The following CTDNEP1 variants were observed in gnomAD, a reference collection of about 807,000 sequenced individuals.
CTDNEP1 encodes CTD nuclear envelope phosphatase 1.
In CTDNEP1, 3 loss-of-function variants were observed where a neutral mutation model predicts 30.1. That is an observed-to-expected ratio of 0.10 (90% CI 0.05 to 0.26). The LOEUF is 0.26. Ranked by LOEUF, CTDNEP1 falls within the 10% of genes least tolerant of loss-of-function variation. CTDNEP1 has a pLI of 1.00. For synonymous variants in CTDNEP1, 123 were observed against 118.8 expected (o/e 1.04, Z -0.23); for missense variants, 158 against 310.4 (o/e 0.51, Z 3.69).
chr17:7,246,387 G>T lies in CTDNEP1; in HGVS notation c.361-17C>A. 6.4e-7 allele frequency: 1 copy of T among 1,565,302 alleles called. No homozygotes were observed. Among genetic ancestry groups the T allele is most frequent in the Admixed American group, 1.7e-5 (1 of 59,954 alleles). On this transcript the variant is annotated splice_polypyrimidine_tract_variant and intron_variant, in intron 4 of 7. Transcript: ENST00000574322. This position sits in a 1 kb window ranked among gnomAD's most constrained non-coding sequence, Gnocchi z 4.9. ...CTGGCTCACCTGAAATAGATTGGGG[G>T]AGAGGGCGATGCCATACAAGGTGAT...
Position 7,246,356 on chromosome 17 carries a change from G to A in CTDNEP1, c.375C>T (p.Tyr125=), listed in dbSNP as rs778024452. The part of the protein sequence containing the change: ...DFFLEVVSQW[Y]ELVVFTASME... Reference sequence around the variant, plus strand: ...TGCTTGCTGTAAACACCACCAGCTCGTACCACTGGCTCACCTGAAATAGAT... The same window carrying A: ...TGCTTGCTGTAAACACCACCAGCTCATACCACTGGCTCACCTGAAATAGAT... The change falls in exon 5 of 8, where the codon TAC becomes TAT. Residue 125 remains tyrosine, a synonymous_variant. Coordinates refer to ENST00000574322, the MANE Select transcript of CTDNEP1 (RefSeq NM_001143775.2). The surrounding 1 kb of genome is among the most constrained non-coding windows in gnomAD (Gnocchi z 4.9). 1.6e-5 allele frequency: 26 copies of A among 1,612,822 alleles called. No individual in the cohort carries two copies. Among genetic ancestry groups the A allele is most frequent in the South Asian group, 1.2e-4 (11 of 91,048 alleles).
upstream of CTDNEP1, chr17:7,251,877 T>A (rs894175223): frequency 6.5e-6 from 1 of 154,568 alleles, no homozygotes; most frequent in African/African-American, 2.4e-5. Context: ...GGCCTCCCCC[T>A]CCCCGAGCTC....
intron 6 of CTDNEP1, among the ~76,000 whole-genome samples, chr17:7,245,823 A>C (rs1316744123): frequency 6.6e-6 from 1 of 152,166 alleles, no homozygotes; most frequent in Admixed American, 6.5e-5. Flanking sequence ...AAATGAAAAA[A>C]ATGATATAAG....
At position 7,246,170 on chromosome 17, in the gene CTDNEP1, C is replaced by A; in HGVS notation, c.478-33G>T. On this transcript the variant is annotated intron_variant, in intron 5 of 7. Coordinates refer to ENST00000574322, the MANE Select transcript of CTDNEP1 (RefSeq NM_001143775.2). This position sits in a 1 kb window ranked among gnomAD's most constrained non-coding sequence, Gnocchi z 4.9. ...GCAGGGGATCATGTAGCAGGCCTCT[C>A]TCCAGGATACTCTCCTCAAACCCAG... 2.5e-6 allele frequency: 4 copies of A among 1,590,586 alleles called. No individual in the cohort carries two copies. The highest frequency in any genetic ancestry group is 3.5e-6 in the Non-Finnish European group (4 of 1,158,722).
At chr17:7,244,400 G>T in intron 7 of CTDNEP1, 151 bp downstream of exon 7, 1 of 1,156,784 alleles carries the variant, frequency 8.6e-7, no homozygotes. Context: ...TAGCTAAAGT[G>T]ATGAGCTTTG....
intron 6 of CTDNEP1, chr17:7,244,901 T>C (rs2071816730): frequency 2.7e-6 from 1 of 369,252 alleles, no homozygotes. Context: ...CTCACACCTG[T>C]TATCCCAACA....
At position 7,247,172 on chromosome 17, in the gene CTDNEP1, C is replaced by T. The variant is rs142495097; in HGVS notation, c.180G>A (p.Lys60=). ...CCAGATCCAGCACCAGGATCTTCCT[C>T]TTCACCTGGGCTGAACCAGAGTGGG... is the stretch of plus-strand genomic sequence containing the variant. ...PVSRNRLAQV[K]RKILVLDLDE... is the part of the protein sequence containing the mutation. The change falls in exon 3 of 8, where the codon AAG becomes AAA. Residue 60 remains lysine, a synonymous_variant. Transcript: ENST00000574322. The T allele has an allele frequency of 3.4e-5, 55 of 1,613,758 alleles. No homozygotes were observed. Among genetic ancestry groups the T allele is most frequent in the African/African-American group, 2.9e-4 (22 of 75,024 alleles).
rs2071839132 is a variant in CTDNEP1 at position 7,246,463 on chromosome 17, T to C, written c.361-93A>G. ...TTCAGAAAGGCAATGGCATAGTCCT[T>C]CAGGCCTTCCATCAACATCAAATGT... On this transcript the variant is annotated intron_variant, in intron 4 of 7. Transcript: ENST00000574322. This position sits in a 1 kb window ranked among gnomAD's most constrained non-coding sequence, Gnocchi z 4.9. The C allele has an allele frequency of 1.1e-6, 1 of 917,742 alleles. No homozygotes were observed. The highest frequency in any genetic ancestry group is 1.9e-5 in the Admixed American group (1 of 53,448). The allele number at this position is 917,742 out of a possible 1,614,324, so 56.8% of individuals were successfully genotyped here.
chr17:7,244,104 T>C lies in CTDNEP1; in HGVS notation c.*81A>G. 6.3e-7 allele frequency: 1 copy of C among 1,591,612 alleles called. No homozygotes were observed. Among genetic ancestry groups the C allele is most frequent in the South Asian group, 1.1e-5 (1 of 89,422 alleles). On this transcript the variant is annotated 3_prime_UTR_variant, in exon 8 of 8. Transcript: ENST00000574322. ...GACCCTGCCCAGGCAGTCCTCACATTGGACAGGGCATCAGACGGCATCCCA... is the reference window on the plus strand; with the variant it reads ...GACCCTGCCCAGGCAGTCCTCACATCGGACAGGGCATCAGACGGCATCCCA...
At chr17:7,248,836 G>A (rs1236741905) in intron 1 of CTDNEP1, among the ~76,000 whole-genome samples, 1 of 152,186 alleles carries the variant, frequency 6.6e-6, no homozygotes, top group Non-Finnish European at 1.5e-5. Context: ...TCCTTAATGG[G>A]AATATAGAAT....
Position 7,246,290 on chromosome 17 carries a change from A to G in CTDNEP1, c.441T>C (p.Asn147=), listed in dbSNP as rs746880205. The part of the protein sequence containing the change: ...YGSAVADKLD[N]SRSILKRRYY... ...ATCTCCTCTTAAGAATGCTTCTGCTATTGTCCAGTTTATCTGCCACAGCAG... is the reference window on the plus strand; with the variant it reads ...ATCTCCTCTTAAGAATGCTTCTGCTGTTGTCCAGTTTATCTGCCACAGCAG... The change falls in exon 5 of 8, where the codon AAT becomes AAC. Residue 147 remains asparagine, a synonymous_variant. Transcript: ENST00000574322. The surrounding 1 kb of genome is among the most constrained non-coding windows in gnomAD (Gnocchi z 4.9). 1.4e-5 allele frequency: 22 copies of G among 1,613,498 alleles called. No individual in the cohort carries two copies. Among genetic ancestry groups the G allele is most frequent in the East Asian group, 2.2e-5 (1 of 44,888 alleles).
Position 7,243,914 on chromosome 17 carries a change from C to G in CTDNEP1, c.*271G>C. ...GGCCAGTCCTGCCTCTTCACAAACA[C>G]TGATTCGGCTCTCCTAGGCTTCCGC... is the stretch of plus-strand genomic sequence containing the variant. On this transcript the variant is annotated 3_prime_UTR_variant, in exon 8 of 8. Transcript: ENST00000574322. 1 of 1,306,700 alleles carries G rather than the reference C, an allele frequency of 7.7e-7. No homozygotes were observed. Among genetic ancestry groups the G allele is most frequent in the Non-Finnish European group, 9.8e-7 (1 of 1,020,668 alleles). 80.9% of individuals were successfully genotyped at this position (1,306,700 alleles called of 1,614,324 possible). A position where few individuals can be genotyped will look rare whatever the true frequency, so the allele number is the denominator to read the frequency against.
intron 1 of CTDNEP1, among the ~76,000 whole-genome samples, chr17:7,247,993 T>C (rs1360101800): frequency 2.0e-5 from 3 of 151,652 alleles, no homozygotes; most frequent in Non-Finnish European, 4.4e-5. Context: ...CCAGGCGCAG[T>C]GGCTCATGCC....
chr17:7,243,667 G>A lies in CTDNEP1; in HGVS notation c.*518C>T, dbSNP rs775038886. 2.6e-5 allele frequency: 4 copies of A among 156,800 alleles called. No homozygotes were observed. Among genetic ancestry groups the A allele is most frequent in the South Asian group, 1.7e-4 (1 of 5,850 alleles). 9.7% of individuals were successfully genotyped at this position (156,800 alleles called of 1,614,324 possible). A position where few individuals can be genotyped will look rare whatever the true frequency, so the allele number is the denominator to read the frequency against. ...ACACAAAGCTGGTTACAGGTCTGAG[G>A]GAGTCTAAGGAGAGAAAAATAGAGG... On this transcript the variant is annotated 3_prime_UTR_variant, in exon 8 of 8. Transcript: ENST00000574322.
At chr17:7,248,586 T>G (rs1010628551) in intron 1 of CTDNEP1, among the ~76,000 whole-genome samples, 1 of 152,052 alleles carries the variant, frequency 6.6e-6, no homozygotes, top group Admixed American at 6.5e-5. Context: ...CTTGAGCTCC[T>G]GACCTCATGA....
intron 1 of CTDNEP1, among the ~76,000 whole-genome samples, chr17:7,249,990 CTT>C (rs2071891405): frequency 6.6e-6 from 1 of 152,080 alleles, no homozygotes; most frequent in African/African-American, 2.4e-5. Context: ...GCTCCTAGCT[CTT>C]GTCTCGGGGG....
Position 7,251,245 on chromosome 17 carries a change from C to A in CTDNEP1, c.52G>T (p.Ala18Ser). The A allele has an allele frequency of 6.2e-7, 1 of 1,601,896 alleles. No individual in the cohort carries two copies. The highest frequency in any genetic ancestry group is 8.5e-7 in the Non-Finnish European group (1 of 1,175,452). Residue 18 changes from alanine to serine, a missense_variant, in exon 1 of 8, where the codon GCC (alanine) becomes TCC (serine). Physicochemically the swap from Ala to Ser is moderately conservative, Grantham distance 99. Around this residue, in one of 2 missense-constraint regions of CTDNEP1, gnomAD observed 62 missense variants for 81.4 expected, o/e 0.76. Transcript: ENST00000574322. ...TAAATGAAGAAGCTCCAGAGCTTGG[C>A]GGCGAAGGCCACGAACGTGCGCAGC... is the stretch of plus-strand genomic sequence containing the variant. ...LGLRTFVAFA[A>S]KLWSFFIYLL...
chr17:7,244,860 C>T (rs1597572670), intron 6 of CTDNEP1: 2 of 476,392 alleles, frequency 4.2e-6, no homozygotes, highest in Non-Finnish European at 7.5e-6. Context: ...CATTGTGCCT[C>T]ACTTGAAACA....
At position 7,244,112 on chromosome 17, in the gene CTDNEP1, G is replaced by A; in HGVS notation, c.*73C>T. On this transcript the variant is annotated 3_prime_UTR_variant, in exon 8 of 8. Transcript: ENST00000574322. ...CCAGGCAGTCCTCACATTGGACAGG[G>A]CATCAGACGGCATCCCAAGGGCTCG... 9 of 1,600,864 alleles carry A rather than the reference G, an allele frequency of 5.6e-6. No homozygotes were observed. The highest frequency in any genetic ancestry group is 2.2e-5 in the East Asian group (1 of 44,576).
Sources: allele counts gnomAD v4.1 joint callset (sites outside exome capture counted in the v4.1 genomes callset), GRCh38; gene constraint gnomAD v4.1.1; regional missense constraint gnomAD v4.1.1; non-coding constraint Gnocchi (gnomAD v3.1); transcripts MANE v1.5; gene names NCBI Gene and HGNC (gene_info 2026-07-23, HGNC 2026-07-21).